KIAA1217: variants seen among roughly 807,000 people sequenced by gnomAD.
The protein encoded by KIAA1217 is sickle tail protein homolog.
In KIAA1217, 88 loss-of-function variants were observed where a neutral mutation model predicts 163.9. The ratio of observed to expected loss-of-function variants is 0.54; its 90% CI spans 0.45 to 0.64. The LOEUF (loss-of-function observed/expected upper bound fraction) is 0.64. Among genes scored for constraint, KIAA1217 ranks in the 30% least tolerant of loss-of-function variants. KIAA1217 has a pLI of 0.00. For missense variants in KIAA1217, 2,372 were observed against 2,475.0 expected (o/e 0.96, Z 0.88); for synonymous variants, 903 against 923.1 (o/e 0.98, Z 0.39).
At chr10:24,485,634 T>C (rs1278796970) in intron 6 of KIAA1217, among the ~76,000 whole-genome samples, 1 of 152,212 alleles carries the variant, frequency 6.6e-6, no homozygotes, top group East Asian at 1.9e-4. Flanking sequence ...GAGCTGTGCC[T>C]GGCCCAAGAA....
chr10:24,363,800 G>A (rs2050362269), intron 2 of KIAA1217, among the ~76,000 whole-genome samples: 1 of 151,940 alleles, frequency 6.6e-6, no homozygotes, highest in Non-Finnish European at 1.5e-5. Context: ...TTGCACACCT[G>A]ACCTCAAGCA....
intron 2 of KIAA1217, among the ~76,000 whole-genome samples, chr10:24,347,049 G>T (rs993667419): frequency 2.6e-5 from 4 of 152,124 alleles, no homozygotes; most frequent in Non-Finnish European, 5.9e-5. Flanking sequence ...CAAATAAATG[G>T]CATAGAAATA....
chr10:24,383,596 A>G (rs1250795515), intron 3 of KIAA1217, among the ~76,000 whole-genome samples: 2 of 152,224 alleles, frequency 1.3e-5, no homozygotes, highest in Admixed American at 6.5e-5. Context: ...TGAAAAATGC[A>G]TCTGACCTGT....
chr10:23,962,264 C>T lies in KIAA1217; in HGVS notation c.-320-44961C>T, dbSNP rs571016071. ...CTTACCTGTCTGACCAACGACATAA[C>T]CTCACATAGCCTCAGTTTCCACATC... On this transcript the variant is annotated intron_variant, in intron 1 of 18. Coordinates refer to the KIAA1217 transcript ENST00000376462. Among the ~76,000 whole-genome samples, 25 of 152,304 alleles carry T rather than the reference C, an allele frequency of 1.6e-4. 1 individual carries two copies. Among genetic ancestry groups the T allele is most frequent in the Admixed American group, 7.8e-4 (12 of 15,302 alleles).
chr10:24,020,534 G>T (rs1311139726), intron 2 of KIAA1217, among the ~76,000 whole-genome samples: 2 of 152,024 alleles, frequency 1.3e-5, no homozygotes, highest in Non-Finnish European at 2.9e-5. Flanking sequence ...GGAAGCACGG[G>T]TGCCTTTCAG....
intron 1 of KIAA1217, among the ~76,000 whole-genome samples, chr10:23,951,015 C>A (rs1293776484): frequency 6.6e-6 from 1 of 152,104 alleles, no homozygotes; most frequent in Non-Finnish European, 1.5e-5. Flanking sequence ...GAGACACTGC[C>A]CTTCTCTTAA....
chr10:24,497,452 G>A (rs1039986120), intron 8 of KIAA1217, among the ~76,000 whole-genome samples: 2 of 152,150 alleles, frequency 1.3e-5, no homozygotes, highest in African/African-American at 4.8e-5. Context: ...TGACAGCCAG[G>A]CTGGGCATGG....
chr10:24,131,558 G>A (rs1274231638), intron 2 of KIAA1217, among the ~76,000 whole-genome samples: 3 of 152,172 alleles, frequency 2.0e-5, no homozygotes, highest in African/African-American at 7.2e-5. Flanking sequence ...AGACAAGTCT[G>A]TAAGTTAGCG....
chr10:23,708,531 C>G (rs1473351207), intron 1 of KIAA1217, among the ~76,000 whole-genome samples: 1 of 152,144 alleles, frequency 6.6e-6, no homozygotes, highest in Non-Finnish European at 1.5e-5. Flanking sequence ...CTGACCCTCA[C>G]TCTTCCCCAA....
Position 24,079,457 on chromosome 10 carries a change from A to G in KIAA1217, c.-171+72083A>G, listed in dbSNP as rs530725530. The stretch of plus-strand genomic sequence containing the variant: ...CTGTATAAGCAGAATGAAAGTCTCC[A>G]TTTCCCTTAGAAAATAAATGGGATA... On this transcript the variant is annotated intron_variant, in intron 2 of 18. Transcript: ENST00000376462. Among the ~76,000 whole-genome samples the G allele has an allele frequency of 8.5e-5, 13 of 152,312 alleles. No homozygotes were observed. The South Asian group carries it at 2.5e-3, about 29-fold the overall frequency.
Position 24,025,495 on chromosome 10 carries a change from G to A in KIAA1217, c.-171+18121G>A, listed in dbSNP as rs1433211456. Among the ~76,000 whole-genome samples, 3 of 151,504 alleles carry A rather than the reference G, an allele frequency of 2.0e-5. No homozygotes were observed. In the East Asian group the frequency reaches 5.8e-4, roughly 29 times the overall value. On this transcript the variant is annotated intron_variant, in intron 2 of 18. Coordinates refer to the KIAA1217 transcript ENST00000376462. ...TTCAAAATTCTTTTGGCTATTTGAG[G>A]TCTTTACATTTTTATATAAATTTTA...
intron 2 of KIAA1217, among the ~76,000 whole-genome samples, chr10:24,123,700 G>C (rs1440473071): frequency 6.6e-6 from 1 of 152,132 alleles, no homozygotes; most frequent in Non-Finnish European, 1.5e-5. Context: ...AGAATCTGTG[G>C]AGACTCGAAA....
At chr10:23,950,601 A>C (rs1173235557) in intron 1 of KIAA1217, among the ~76,000 whole-genome samples, 1 of 152,102 alleles carries the variant, frequency 6.6e-6, no homozygotes, top group African/African-American at 2.4e-5. Flanking sequence ...TCATGCATGC[A>C]TGCATTCATG....
chr10:24,065,724 C>G (rs941568877), intron 2 of KIAA1217, among the ~76,000 whole-genome samples: 1 of 152,132 alleles, frequency 6.6e-6, no homozygotes, highest in Non-Finnish European at 1.5e-5. Flanking sequence ...ATTGATCTGT[C>G]TCATGTTGAC....
intron 1 of KIAA1217, among the ~76,000 whole-genome samples, chr10:24,001,848 A>G (rs1296838025): frequency 6.6e-6 from 1 of 152,106 alleles, no homozygotes; most frequent in Non-Finnish European, 1.5e-5. Flanking sequence ...GGAGTTTGCT[A>G]TGGTTTTCAC....
chr10:24,498,360 T>A (rs2067086815), intron 8 of KIAA1217, among the ~76,000 whole-genome samples: 1 of 152,196 alleles, frequency 6.6e-6, no homozygotes, highest in South Asian at 2.1e-4. Flanking sequence ...CAAAGCTTAG[T>A]GTCACATTGA....
intron 2 of KIAA1217, among the ~76,000 whole-genome samples, chr10:24,144,601 G>A (rs990150261): frequency 2.6e-5 from 4 of 152,126 alleles, no homozygotes; most frequent in African/African-American, 7.2e-5. Flanking sequence ...AAGGACCACC[G>A]GCTTGAAGCA....
intron 2 of KIAA1217, among the ~76,000 whole-genome samples, chr10:24,227,726 G>T (rs1330291375): frequency 1.3e-5 from 2 of 151,528 alleles, no homozygotes; most frequent in Non-Finnish European, 2.9e-5. Context: ...TAGAGACGGG[G>T]TTTCACCGTG....
intron 1 of KIAA1217, among the ~76,000 whole-genome samples, chr10:23,762,272 A>C (rs1834295323): frequency 6.6e-6 from 1 of 151,978 alleles, no homozygotes. Context: ...CATTTTATGA[A>C]GCCAACATCA....
Sources: allele counts gnomAD v4.1 joint callset (sites outside exome capture counted in the v4.1 genomes callset), GRCh38; gene constraint gnomAD v4.1.1; transcripts MANE v1.5; gene names NCBI Gene and HGNC (gene_info 2026-07-23, HGNC 2026-07-21).